The following RBM6 variants were observed in gnomAD, a reference collection of about 807,000 sequenced individuals.
RBM6 encodes RNA-binding protein 6.
RBM6 carries 23 observed loss-of-function variants against 140.4 expected under a neutral mutation model. The ratio of observed to expected loss-of-function variants is 0.16; its 90% CI spans 0.12 to 0.23. The LOEUF is 0.23. Ranked by LOEUF, RBM6 falls within the 10% of genes least tolerant of loss-of-function variation. The pLI is 1.00. For missense variants in RBM6, 1,139 were observed against 1,386.7 expected (o/e 0.82, Z 2.84); for synonymous variants, 439 against 475.6 (o/e 0.92, Z 1.00).
chr3:49,999,520 T>G lies in RBM6; in HGVS notation c.1557+7T>G. 6.2e-7 allele frequency: 1 copy of G among 1,605,352 alleles called. No homozygotes were observed. The highest frequency in any genetic ancestry group is 8.5e-7 in the Non-Finnish European group (1 of 1,171,974). On this transcript the variant is annotated splice_region_variant and intron_variant, in intron 6 of 20. Transcript: ENST00000266022. ...ATGCATGGAGGCCAACCAGGTTGCT[T>G]TATACTTCGGTCAAATGATGCTGGA...
At chr3:49,986,137 C>T (rs2085543602) in intron 5 of RBM6, among the ~76,000 whole-genome samples, 1 of 151,750 alleles carries the variant, frequency 6.6e-6, no homozygotes, top group South Asian at 2.1e-4. Context: ...CAGGCGCCTG[C>T]CACCAAGCCT....
chr3:49,999,317 G>A, intron 5 of RBM6, 123 bp from the exon 6 acceptor site: 1 of 766,396 alleles, frequency 1.3e-6, no homozygotes, highest in Non-Finnish European at 2.3e-6. Context: ...CTAGTGTAGG[G>A]GAGGGAGGGG....
At chr3:50,024,132 G>A (rs2087666085) in intron 6 of RBM6, among the ~76,000 whole-genome samples, 2 of 152,148 alleles carry the variant, frequency 1.3e-5, no homozygotes, top group African/African-American at 4.8e-5. Flanking sequence ...AAAATGATGT[G>A]GCTTAGAAAA....
chr3:50,065,820 C>T (rs2108935034), intron 16 of RBM6, among the ~76,000 whole-genome samples: 1 of 152,300 alleles, frequency 6.6e-6, no homozygotes, highest in East Asian at 1.9e-4. Flanking sequence ...GATCTGTCTA[C>T]CCAAGTGCCT....
intron 1 of RBM6, among the ~76,000 whole-genome samples, chr3:49,942,778 A>G (rs993713929): frequency 6.6e-6 from 1 of 152,078 alleles, no homozygotes; most frequent in Admixed American, 6.6e-5. Flanking sequence ...CTGTAACACC[A>G]GCTACTAAGG....
At chr3:49,945,292 C>T (rs996853084) in intron 1 of RBM6, among the ~76,000 whole-genome samples, 1 of 151,796 alleles carries the variant, frequency 6.6e-6, no homozygotes, top group Non-Finnish European at 1.5e-5. Context: ...ATCCTCTCAC[C>T]TCACCCTCTT....
chr3:50,016,913 C>T (rs779590619), intron 6 of RBM6, among the ~76,000 whole-genome samples: 1 of 149,502 alleles, frequency 6.7e-6, no homozygotes, highest in Non-Finnish European at 1.5e-5. Context: ...GCAATCTCTG[C>T]CTCCCGGGTT....
chr3:50,068,076 A>G (rs191329470), intron 17 of RBM6, among the ~76,000 whole-genome samples: 8 of 152,342 alleles, frequency 5.3e-5, no homozygotes, highest in African/African-American at 1.9e-4. Flanking sequence ...ATCGTCAGGA[A>G]AGAGGAGCCA....
chr3:50,072,419 AAAG>A (rs1175159340), intron 19 of RBM6, among the ~76,000 whole-genome samples: 1 of 151,644 alleles, frequency 6.6e-6, no homozygotes, highest in Non-Finnish European at 1.5e-5. Flanking sequence ...CAAAAAAAAA[AAAG>A]AAAAGAAAAG....
chr3:49,998,140 A>G (rs2086168603), intron 5 of RBM6, among the ~76,000 whole-genome samples: 1 of 152,222 alleles, frequency 6.6e-6, no homozygotes, highest in Non-Finnish European at 1.5e-5. Flanking sequence ...CAAGTCTAAA[A>G]TCAAAGTTTA....
chr3:50,034,970 TTCTCCTCTCCTCTCCTCTCCTCTTCCC>T (rs1229405399), intron 6 of RBM6, among the ~76,000 whole-genome samples: 3 of 144,966 alleles, frequency 2.1e-5, no homozygotes, highest in East Asian at 4.4e-4. Context: ...CTGTTTCTCT[TTCTCCTCTCCTCTCCTCTCCTCTTCCC>T]TCTCCTCTCC....
At chr3:50,040,228 C>T (rs1264989063) in intron 6 of RBM6, among the ~76,000 whole-genome samples, 2 of 151,800 alleles carry the variant, frequency 1.3e-5, no homozygotes, top group Admixed American at 6.6e-5. Flanking sequence ...GGGCAGCTCA[C>T]GAGGTCAGGA....
At chr3:49,953,028 A>G (rs768889694) in intron 1 of RBM6, among the ~76,000 whole-genome samples, 4 of 151,756 alleles carry the variant, frequency 2.6e-5, no homozygotes, top group Non-Finnish European at 5.9e-5. Context: ...GATTATAGGC[A>G]TGAGCCAATG....
At chr3:50,075,067 A>T in intron 19 of RBM6, 134 bp from the exon 20 acceptor site, 1 of 1,013,460 alleles carries the variant, frequency 9.9e-7, no homozygotes, top group Non-Finnish European at 1.4e-6. Context: ...GAGGCAGGAG[A>T]ATCGCCTGAA....
At chr3:50,036,813 T>C (rs2088562474) in intron 6 of RBM6, among the ~76,000 whole-genome samples, 1 of 152,142 alleles carries the variant, frequency 6.6e-6, no homozygotes, top group Admixed American at 6.6e-5. Context: ...ATGGGAGTCT[T>C]GCTCTGTCGC....
chr3:49,981,005 C>T (rs868710959), intron 5 of RBM6, among the ~76,000 whole-genome samples: 5 of 151,810 alleles, frequency 3.3e-5, no homozygotes, highest in Non-Finnish European at 7.4e-5. Flanking sequence ...TGGGTTCAAG[C>T]GATTCTCCTG....
chr3:50,049,995 AT>A (rs973732712), intron 7 of RBM6, among the ~76,000 whole-genome samples: 4 of 149,376 alleles, frequency 2.7e-5, no homozygotes, highest in Non-Finnish European at 3.0e-5. Context: ...AGTTCCAGAA[AT>A]TTTTTTTTTC....
intron 18 of RBM6, among the ~76,000 whole-genome samples, chr3:50,069,907 T>C (rs1190011435): frequency 6.6e-6 from 1 of 152,162 alleles, no homozygotes; most frequent in Non-Finnish European, 1.5e-5. Context: ...CTTGTGTACT[T>C]TCCCCTGCTT....
intron 6 of RBM6, among the ~76,000 whole-genome samples, chr3:50,015,296 C>T (rs6446190): frequency 4.7e-5 from 7 of 149,846 alleles, no homozygotes; most frequent in South Asian, 2.1e-4. Context: ...TTAGCAGAGG[C>T]GGGGTTTCAC....
Sources: allele counts gnomAD v4.1 joint callset (sites outside exome capture counted in the v4.1 genomes callset), GRCh38; gene constraint gnomAD v4.1.1; transcripts MANE v1.5; gene names NCBI Gene and HGNC (gene_info 2026-07-23, HGNC 2026-07-21).